KIAA1671: variants seen among roughly 807,000 people sequenced by gnomAD.
KIAA1671 encodes the protein uncharacterized protein KIAA1671.
Under a neutral mutation model 131.2 loss-of-function variants are expected in KIAA1671, and 52 were observed. The ratio of observed to expected loss-of-function variants is 0.40; its 90% confidence interval spans 0.32 to 0.50. The LOEUF (loss-of-function observed/expected upper bound fraction) is 0.50, where lower values mean the gene tolerates loss of function less well. Ranked by LOEUF, KIAA1671 falls within the 20% of genes least tolerant of loss-of-function variation. The probability of loss-of-function intolerance (pLI) is 0.73; values close to 1 mark genes in which losing one functional copy is unlikely to be tolerated. For missense variants in KIAA1671, 2,360 were observed against 2,364.2 expected (o/e 1.00, Z 0.04); for synonymous variants, 1,003 against 961.6 (o/e 1.04, Z -0.80).
intron 9 of KIAA1671, among the ~76,000 whole-genome samples, chr22:25,181,153 C>T (rs1934258258): frequency 1.3e-5 from 2 of 152,146 alleles, no homozygotes; most frequent in South Asian, 2.1e-4. Context: ...CATATCACTC[C>T]TGGAAGAGTG....
chr22:25,088,428 A>G (rs1001278313), intron 6 of KIAA1671, among the ~76,000 whole-genome samples: 3 of 151,984 alleles, frequency 2.0e-5, no homozygotes, highest in African/African-American at 7.2e-5. Context: ...TCATTCCTCA[A>G]ACACTTACTG....
intron 6 of KIAA1671, among the ~76,000 whole-genome samples, chr22:25,087,629 C>G (rs1410568526): frequency 6.6e-6 from 1 of 152,212 alleles, no homozygotes; most frequent in Non-Finnish European, 1.5e-5. Context: ...AAAACAACTG[C>G]GTCACCTTGT....
chr22:25,005,174 C>T (rs1924678472), intron 1 of KIAA1671, among the ~76,000 whole-genome samples: 1 of 150,582 alleles, frequency 6.6e-6, no homozygotes, highest in African/African-American at 2.4e-5. Context: ...ATGGTGAAAC[C>T]CTGTCTCTAC....
chr22:25,042,470 T>TG (rs1269947511), intron 5 of KIAA1671, among the ~76,000 whole-genome samples: 1 of 146,104 alleles, frequency 6.8e-6, no homozygotes, highest in Non-Finnish European at 1.5e-5. Context: ...CTTGTTTTTT[T>TG]TTTTTTTTTT....
intron 6 of KIAA1671, among the ~76,000 whole-genome samples, chr22:25,132,380 C>A (rs111701128): frequency 6.6e-6 from 1 of 152,110 alleles, no homozygotes; most frequent in Non-Finnish European, 1.5e-5. Flanking sequence ...GGGCTGAGAC[C>A]CACTGGGGTC....
At chr22:25,048,198 T>C (rs1183202262) in intron 5 of KIAA1671, among the ~76,000 whole-genome samples, 40 of 152,322 alleles carry the variant, frequency 2.6e-4, no homozygotes, top group African/African-American at 2.4e-5. Flanking sequence ...CACGTGGATC[T>C]GAGATGAGTG....
chr22:25,028,868 G>T lies in KIAA1671; in HGVS notation c.869G>T (p.Arg290Leu). Residue 290 changes from arginine (R) to leucine (L), a missense_variant, in exon 3 of 13, where the codon CGG (arginine) becomes CTG (leucine). By Grantham distance (102) the Arg-to-Leu change is moderately radical. This residue lies in a region of KIAA1671 where 1,185 missense variants were observed against 1,126.2 expected (regional missense o/e 1.05). Transcript: ENST00000358431. ...CCCTTGTCCATGGACCTCACGGCCC[G>T]GTTTGAGAACAAAGAGGCCTTGCTG... is the stretch of plus-strand genomic sequence containing the variant. ...PRPLSMDLTA[R>L]FENKEALLRK... The T allele has an allele frequency of 6.4e-7, 1 of 1,551,110 alleles. No individual in the cohort carries two copies. The highest frequency in any genetic ancestry group is 8.7e-7 in the Non-Finnish European group (1 of 1,146,902).
chr22:25,070,261 C>T (rs546247507), intron 6 of KIAA1671: 15 of 410,978 alleles, frequency 3.6e-5, no homozygotes, highest in African/African-American at 8.2e-5. Flanking sequence ...TGATTTATGC[C>T]GCCTTGAACT....
intron 11 of KIAA1671, among the ~76,000 whole-genome samples, chr22:25,189,725 C>T (rs1254791016): frequency 6.6e-6 from 1 of 152,144 alleles, no homozygotes. Flanking sequence ...TAGCTATTTG[C>T]ATGACAAATG....
At chr22:25,085,378 T>A (rs1394131476) in intron 6 of KIAA1671, among the ~76,000 whole-genome samples, 1 of 152,196 alleles carries the variant, frequency 6.6e-6, no homozygotes, top group Non-Finnish European at 1.5e-5. Flanking sequence ...CTTCCTCCTC[T>A]GAACTTAGAA....
At position 25,029,245 on chromosome 22, in the gene KIAA1671, G is replaced by C; in HGVS notation, c.1246G>C (p.Val416Leu). 1 of 1,489,060 alleles carries C rather than the reference G, an allele frequency of 6.7e-7. No individual in the cohort carries two copies. Among genetic ancestry groups the C allele is most frequent in the East Asian group, 2.5e-5 (1 of 40,368 alleles). The allele number at this position is 1,489,060 out of a possible 1,614,324, so 92.2% of individuals were successfully genotyped here. A position where few individuals can be genotyped will look rare whatever the true frequency, so the allele number is the denominator to read the frequency against. ...RLGRGLELAE[V>L]KSRVADGEAA... ...GGGAAGGGGCCTAGAACTTGCTGAGGTTAAGAGCAGAGTGGCGGATGGGGA... is the reference window on the plus strand; with the variant it reads ...GGGAAGGGGCCTAGAACTTGCTGAGCTTAAGAGCAGAGTGGCGGATGGGGA... Residue 416 changes from valine (V) to leucine (L), a missense_variant, in exon 3 of 13, where the codon GTT becomes CTT. Coordinates refer to ENST00000358431, the MANE Select transcript of KIAA1671 (RefSeq NM_001145206.2).
chr22:25,095,061 T>C (rs2145886899), intron 6 of KIAA1671, among the ~76,000 whole-genome samples: 1 of 152,238 alleles, frequency 6.6e-6, no homozygotes, highest in Middle Eastern at 3.4e-3. Flanking sequence ...AGAGTGTATA[T>C]ACAAAAGTTC....
intron 1 of KIAA1671, among the ~76,000 whole-genome samples, chr22:24,995,081 C>T (rs1332995615): frequency 4.0e-5 from 6 of 150,000 alleles, no homozygotes; most frequent in Non-Finnish European, 5.9e-5. Flanking sequence ...GACAGAATCT[C>T]GCTCTCTCAC....
At chr22:24,983,392 T>C (rs1923333122) in intron 1 of KIAA1671, among the ~76,000 whole-genome samples, 2 of 152,156 alleles carry the variant, frequency 1.3e-5, no homozygotes, top group Admixed American at 1.3e-4. Flanking sequence ...GTCTGTGTGT[T>C]CTTTTTTTAT....
At chr22:25,009,377 G>T (rs934314014) in intron 1 of KIAA1671, among the ~76,000 whole-genome samples, 5 of 141,304 alleles carry the variant, frequency 3.5e-5, no homozygotes, top group African/African-American at 1.1e-4. Context: ...TGATTCTCCC[G>T]CCTCAGCCTC....
chr22:25,182,105 G>A (rs1305060571), intron 10 of KIAA1671, among the ~76,000 whole-genome samples: 2 of 152,024 alleles, frequency 1.3e-5, no homozygotes, highest in Non-Finnish European at 2.9e-5. Context: ...CTTGAACCTG[G>A]GAGGCGGAGC....
rs1401232157 is a variant in KIAA1671 at position 25,012,298 on chromosome 22, G to T, written c.-207-13335G>T. The T allele has an allele frequency of 4.0e-5, 6 of 149,176 alleles. No homozygotes were observed. The South Asian group carries it at 1.1e-3, about 26-fold the overall frequency. The allele number at this position is 149,176 out of a possible 1,614,324, so 9.2% of individuals were successfully genotyped here. A position where few individuals can be genotyped will look rare whatever the true frequency, so the allele number is the denominator to read the frequency against. On this transcript the variant is annotated intron_variant, in intron 1 of 12. Transcript: ENST00000358431. ...TCTTCTTTTTTTTTTTTCTGGAGACGGAGTCTCTCTGTCACCCAGGCTGGA... is the reference window on the plus strand; with the variant it reads ...TCTTCTTTTTTTTTTTTCTGGAGACTGAGTCTCTCTGTCACCCAGGCTGGA...
At chr22:25,159,078 G>C (rs1213822730) in intron 6 of KIAA1671, among the ~76,000 whole-genome samples, 1 of 152,134 alleles carries the variant, frequency 6.6e-6, no homozygotes, top group East Asian at 1.9e-4. Context: ...CTTGGGTCTA[G>C]GGGAACCCTG....
chr22:25,095,553 A>T (rs1930354201), intron 6 of KIAA1671, among the ~76,000 whole-genome samples: 1 of 152,196 alleles, frequency 6.6e-6, no homozygotes, highest in African/African-American at 2.4e-5. Context: ...CGGGAGGCTG[A>T]GGCAGGAGAA....
Sources: gnomAD v4.1 joint callset for allele counts (sites outside exome capture counted in the v4.1 genomes callset) on GRCh38, gnomAD v4.1.1 for gene constraint, gnomAD v4.1.1 regional missense constraint, MANE v1.5 for transcripts, NCBI Gene and HGNC (gene_info 2026-07-23, HGNC 2026-07-21) for gene names.